Variants in HNRNPC observed in about 807,000 individuals in gnomAD.
HNRNPC encodes the protein heterogeneous nuclear ribonucleoproteins C1/C2.
A neutral mutation model predicts 33.2 loss-of-function variants in HNRNPC; 3 were observed. The observed-to-expected ratio is 0.09, with a 90% CI of 0.04 to 0.23. The LOEUF (loss-of-function observed/expected upper bound fraction) is 0.23. Ranked by LOEUF, HNRNPC falls within the 10% of genes least tolerant of loss-of-function variation. The pLI, the probability that HNRNPC is intolerant of heterozygous loss-of-function variation, is 1.00. For missense variants in HNRNPC, 143 were observed against 366.7 expected, an observed-to-expected ratio of 0.39 and a Z score of 4.98; for synonymous variants, 121 against 126.7, an observed-to-expected ratio of 0.96 and a Z score of 0.30.
At chr14:21,238,502 A>G (rs535080653) in intron 2 of HNRNPC, among the ~76,000 whole-genome samples, 1 of 152,218 alleles carries the variant, frequency 6.6e-6, no homozygotes, top group Non-Finnish European at 1.5e-5. Flanking sequence ...CAATGTACAT[A>G]CAAGCTTGGG....
At chr14:21,243,626 T>C (rs1895620926) in intron 2 of HNRNPC, among the ~76,000 whole-genome samples, 1 of 152,216 alleles carries the variant, frequency 6.6e-6, no homozygotes, top group African/African-American at 2.4e-5. Context: ...TTTAACTAAC[T>C]AAACCAGTAC....
At chr14:21,213,955 TGATA>T (rs1891885156) in intron 5 of HNRNPC, among the ~76,000 whole-genome samples, 1 of 152,240 alleles carries the variant, frequency 6.6e-6, no homozygotes, top group Non-Finnish European at 1.5e-5. Context: ...TCCCAGTGAT[TGATA>T]AAGATACACC....
At chr14:21,265,347 T>C (rs1246520746) in intron 1 of HNRNPC, 3 of 152,268 alleles carry the variant, frequency 2.0e-5, no homozygotes, top group African/African-American at 7.2e-5. Context: ...ACCAAGTCCT[T>C]TGTACAGGTG....
At chr14:21,249,853 G>C (rs74034904) in intron 2 of HNRNPC, among the ~76,000 whole-genome samples, 129 of 152,188 alleles carry the variant, frequency 8.5e-4, no homozygotes, top group African/African-American at 2.9e-3. Context: ...TCCAGAATCT[G>C]TAAGTATCCA....
At chr14:21,265,936 G>C (rs1187527431) in intron 1 of HNRNPC, among the ~76,000 whole-genome samples, 1 of 152,166 alleles carries the variant, frequency 6.6e-6, no homozygotes, top group Non-Finnish European at 1.5e-5. Flanking sequence ...GAACTTACTA[G>C]AAGTGCAAAC....
chr14:21,236,745 T>C (rs923852432), intron 2 of HNRNPC, among the ~76,000 whole-genome samples: 3 of 152,180 alleles, frequency 2.0e-5, no homozygotes, highest in Non-Finnish European at 2.9e-5. Context: ...AGGACGATAC[T>C]GTAACACAAA....
chr14:21,225,097 C>G (rs1893266645), intron 5 of HNRNPC, among the ~76,000 whole-genome samples: 1 of 152,082 alleles, frequency 6.6e-6, no homozygotes, highest in African/African-American at 2.4e-5. Flanking sequence ...TTGGCAGTTT[C>G]TATTTCGTGT....
At chr14:21,243,860 T>C (rs1246231721) in intron 2 of HNRNPC, among the ~76,000 whole-genome samples, 5 of 152,188 alleles carry the variant, frequency 3.3e-5, no homozygotes, top group African/African-American at 1.2e-4. Flanking sequence ...ATCTACCACG[T>C]AGAGGTTCTA....
chr14:21,259,702 T>C (rs542605664), intron 2 of HNRNPC, among the ~76,000 whole-genome samples: 1 of 152,258 alleles, frequency 6.6e-6, no homozygotes, highest in South Asian at 2.1e-4. Flanking sequence ...GCATTACCTT[T>C]GTCCAAGCCA....
intron 2 of HNRNPC, among the ~76,000 whole-genome samples, chr14:21,247,966 C>T (rs964827259): frequency 2.0e-5 from 3 of 151,284 alleles, no homozygotes; most frequent in Admixed American, 1.3e-4. Flanking sequence ...ACTCCAGCCT[C>T]GGCGATGCAG....
At chr14:21,260,056 C>T (rs1203202496) in intron 2 of HNRNPC, among the ~76,000 whole-genome samples, 1 of 147,310 alleles carries the variant, frequency 6.8e-6, no homozygotes, top group Non-Finnish European at 1.5e-5. Flanking sequence ...AAAAATTAGC[C>T]GGGCGTAGTG....
intron 2 of HNRNPC, among the ~76,000 whole-genome samples, chr14:21,253,041 G>A (rs1485915432): frequency 6.6e-6 from 1 of 151,166 alleles, no homozygotes; most frequent in Non-Finnish European, 1.5e-5. Context: ...GGGCGTGGTG[G>A]AGCGTAACTG....
At chr14:21,246,266 T>C (rs1451351100) in intron 2 of HNRNPC, among the ~76,000 whole-genome samples, 1 of 152,030 alleles carries the variant, frequency 6.6e-6, no homozygotes, top group East Asian at 1.9e-4. Context: ...TGAAAATAAA[T>C]GATGCCTCAA....
chr14:21,210,224 A>G lies in HNRNPC; in HGVS notation c.*999T>C, dbSNP rs1393467177. ...TGAGCCTCTCCTATTTAAGGACAAA[A>G]CCATTTAGCACAAAACACAAACCTC... On this transcript the variant is annotated 3_prime_UTR_variant, in exon 9 of 9. Transcript: ENST00000553300. The G allele has an allele frequency of 6.6e-6, 1 of 152,150 alleles. No individual in the cohort carries two copies. The highest frequency in any genetic ancestry group is 2.4e-5 in the African/African-American group (1 of 41,432). 9.4% of individuals were successfully genotyped at this position (152,150 alleles called of 1,614,324 possible).
intron 5 of HNRNPC, 58 bp downstream of exon 5, chr14:21,230,261 A>G: frequency 8.0e-7 from 1 of 1,249,356 alleles, no homozygotes; most frequent in Non-Finnish European, 1.2e-6. Flanking sequence ...AAACCAGAAG[A>G]ACGAAATGGT....
chr14:21,214,840 T>G (rs996218368), intron 5 of HNRNPC, among the ~76,000 whole-genome samples: 2 of 152,208 alleles, frequency 1.3e-5, no homozygotes, highest in Non-Finnish European at 2.9e-5. Flanking sequence ...CACAAATTGC[T>G]TAACGACAAT....
chr14:21,256,384 G>A (rs1189197293), intron 2 of HNRNPC, among the ~76,000 whole-genome samples: 1 of 152,014 alleles, frequency 6.6e-6, no homozygotes, highest in East Asian at 1.9e-4. Flanking sequence ...GGGAGGCAGA[G>A]GTTGCGGTGA....
chr14:21,220,289 G>A (rs1160734704), intron 5 of HNRNPC, among the ~76,000 whole-genome samples: 4 of 147,764 alleles, frequency 2.7e-5, no homozygotes, highest in Non-Finnish European at 4.4e-5. Flanking sequence ...CCAAGCTGCA[G>A]TGCAATGGGC....
At chr14:21,259,825 A>C (rs1877864111) in intron 2 of HNRNPC, among the ~76,000 whole-genome samples, 1 of 151,554 alleles carries the variant, frequency 6.6e-6, no homozygotes. Flanking sequence ...CTAAAAATTA[A>C]AATCTTCCAG....
Sources: gnomAD v4.1 joint callset for allele counts (sites outside exome capture counted in the v4.1 genomes callset) on GRCh38, gnomAD v4.1.1 for gene constraint, MANE v1.5 for transcripts, NCBI Gene and HGNC (gene_info 2026-07-23, HGNC 2026-07-21) for gene names.